Variants in TSPEAR observed in about 807,000 individuals in gnomAD.
TSPEAR encodes thrombospondin-type laminin G domain and EAR repeat-containing protein.
Under a neutral mutation model 71.6 loss-of-function variants are expected in TSPEAR, and 69 were observed. That is an observed-to-expected ratio of 0.96 (90% CI 0.79 to 1.18). The LOEUF (loss-of-function observed/expected upper bound fraction) is 1.18. TSPEAR is among the 50% of genes most tolerant of loss of function. The probability of loss-of-function intolerance (pLI) is 0.00; values close to 1 mark genes in which losing one functional copy is unlikely to be tolerated. For synonymous variants in TSPEAR, 402 were observed against 387.2 expected (o/e 1.04, Z -0.45); for missense variants, 971 against 894.9 (o/e 1.09, Z -1.09).
At chr21:44,655,937 A>G (rs4050979) in intron 1 of TSPEAR, among the ~76,000 whole-genome samples, 74,222 of 151,540 alleles carry the variant, frequency 0.49, 18,172 homozygotes, top group South Asian at 0.56. Context: ...CAGACACCAC[A>G]TTAATGAAAT....
In TSPEAR at chr21:44,533,828, A is replaced by G; in HGVS notation, c.399T>C (p.Leu133=). The G allele has an allele frequency of 1.2e-6, 2 of 1,612,482 alleles. No individual in the cohort carries two copies. The highest frequency in any genetic ancestry group is 1.6e-4 in the Middle Eastern group (1 of 6,062). The change falls in exon 3 of 12, where the codon CTT becomes CTC. Residue 133 remains leucine (L), a synonymous_variant. Transcript: ENST00000323084. ...GCCAGGCGCCGGCCGTGTCCTCGCGAAGGAACAGGAAGTGCAGCTGGGCAG... is the reference window on the plus strand; with the variant it reads ...GCCAGGCGCCGGCCGTGTCCTCGCGGAGGAACAGGAAGTGCAGCTGGGCAG... ...LSPAQLHFLF[L]REDTAGAWQT... is the part of the protein sequence containing the mutation.
At chr21:44,615,375 C>G (rs1982012684) in intron 1 of TSPEAR, among the ~76,000 whole-genome samples, 1 of 152,316 alleles carries the variant, frequency 6.6e-6, no homozygotes, top group Non-Finnish European at 1.5e-5. Flanking sequence ...GCAGCGCTCT[C>G]TGGCCTGGGG....
chr21:44,643,053 T>A (rs1019043405), intron 1 of TSPEAR, among the ~76,000 whole-genome samples: 1 of 152,086 alleles, frequency 6.6e-6, no homozygotes, highest in Admixed American at 6.5e-5. Flanking sequence ...ATGCGGTGCA[T>A]ATGCATGATG....
rs73381228 is a variant in TSPEAR at position 44,580,008 on chromosome 21, C to T, written c.83-12003G>A. On this transcript the variant is annotated intron_variant, in intron 1 of 11. Transcript: ENST00000323084. ...CATGAAGTGGAAGCCCCAGAGCAGA[C>T]GGGCACACAGCAGATGGGTTTGCAG... The T allele has an allele frequency of 7.7e-3, 12,277 of 1,593,516 alleles. 434 individuals carry two copies. In the African/African-American group the frequency reaches 0.11, roughly 14 times the overall value.
chr21:44,529,947 A>G lies in TSPEAR; in HGVS notation c.641T>C (p.Val214Ala), dbSNP rs1555915531. The G allele has an allele frequency of 1.9e-6, 3 of 1,598,672 alleles. No homozygotes were observed. Among genetic ancestry groups the G allele is most frequent in the Admixed American group, 1.7e-5 (1 of 59,216 alleles). Residue 214 changes from valine (V) to alanine (A), a missense_variant, in exon 5 of 12, where the codon GTG (valine) becomes GCG (alanine). By Grantham distance (64) the Val-to-Ala change is moderately conservative. Transcript: ENST00000323084. The stretch of plus-strand genomic sequence containing the variant: ...GCCCGGCAGCAGGACCAGTTGCCTC[A>G]CCAGTCCCTGCAGAGAGAGGGACAG... ...RRAKGLFMGL[V>A]RQLVLLPGSD...
chr21:44,550,706 T>G (rs142573095), intron 2 of TSPEAR: 1 of 1,613,066 alleles, frequency 6.2e-7, no homozygotes, highest in Non-Finnish European at 8.5e-7. Context: ...AGCTAGACTT[T>G]TGGCCTGAGG....
intron 1 of TSPEAR, chr21:44,626,993 A>G (rs1292455039): frequency 3.1e-6 from 3 of 980,556 alleles, no homozygotes; most frequent in African/African-American, 3.3e-5. Context: ...ATCCCTAATC[A>G]TGGCAGACGC....
intron 1 of TSPEAR, among the ~76,000 whole-genome samples, chr21:44,706,479 G>A (rs372788353): frequency 0.024 from 1,766 of 74,670 alleles, 37 homozygotes; most frequent in African/African-American, 0.085. Context: ...ACACCCACGC[G>A]TACACACCCA....
At chr21:44,622,798 T>C (rs1982527964) in intron 1 of TSPEAR, among the ~76,000 whole-genome samples, 2 of 152,186 alleles carry the variant, frequency 1.3e-5, no homozygotes. Flanking sequence ...CATGGTTTGG[T>C]TGTATGGCCC....
chr21:44,591,865 G>GAAGAATCCCCACAGCAGACGGACACAC, intron 1 of TSPEAR: 1 of 1,608,160 alleles, frequency 6.2e-7, no homozygotes, highest in African/African-American at 1.4e-5. Flanking sequence ...CTGGCAGCAT[G>GAAGAATCCCCACAGCAGACGGACACAC]AGGGTGTGCA....
At chr21:44,501,620 C>T (rs1176329833) in intron 11 of TSPEAR, among the ~76,000 whole-genome samples, 1 of 152,172 alleles carries the variant, frequency 6.6e-6, no homozygotes, top group East Asian at 1.9e-4. Flanking sequence ...TAAAATTAGC[C>T]AGGCATGGTT....
intron 1 of TSPEAR, among the ~76,000 whole-genome samples, chr21:44,674,875 TA>T (rs782121928): frequency 0.044 from 5,944 of 134,914 alleles, 133 homozygotes; most frequent in Middle Eastern, 0.091. Flanking sequence ...AAGATTGAAT[TA>T]AAAAAAAAAA....
In TSPEAR at chr21:44,623,724, A is replaced by G. The variant is rs1336261836; in HGVS notation, c.83-55719T>C. ...TGGTGCTTCTTTTCTTTCAGACAGTAAATATATCATTCCATCATCCTCTGG... is the reference window on the plus strand; with the variant it reads ...TGGTGCTTCTTTTCTTTCAGACAGTGAATATATCATTCCATCATCCTCTGG... On this transcript the variant is annotated intron_variant, in intron 1 of 11. Transcript: ENST00000323084. This position sits in a 1 kb window ranked among gnomAD's most constrained non-coding sequence, Gnocchi z 4.5. Among the ~76,000 whole-genome samples, 1 of 152,226 alleles carries G rather than the reference A, an allele frequency of 6.6e-6. No individual in the cohort carries two copies. The highest frequency in any genetic ancestry group is 1.5e-5 in the Non-Finnish European group (1 of 68,042).
Position 44,556,151 on chromosome 21 carries a change from G to T in TSPEAR, c.303+11634C>A, listed in dbSNP as rs976020170. 6.6e-5 allele frequency among the ~76,000 whole-genome samples: 10 copies of T among 152,280 alleles called. No homozygotes were observed. In the East Asian group the frequency reaches 1.5e-3, roughly 24 times the overall value. On this transcript the variant is annotated intron_variant, in intron 2 of 11. Coordinates refer to ENST00000323084, the MANE Select transcript of TSPEAR (RefSeq NM_144991.3). ...CCAGCGCTTTGGGAGGCCAAGGCAG[G>T]CAGATCGCGATGTCAGGAGTTCAAG...
chr21:44,575,983 G>A (rs587707233), intron 1 of TSPEAR, among the ~76,000 whole-genome samples: 189 of 152,260 alleles, frequency 1.2e-3, no homozygotes, highest in African/African-American at 3.5e-3. Context: ...CAGGGCCAGC[G>A]GACTGCCCAG....
intron 1 of TSPEAR, among the ~76,000 whole-genome samples, chr21:44,698,227 T>C (rs879968505): frequency 1.3e-5 from 2 of 152,156 alleles, no homozygotes; most frequent in South Asian, 4.1e-4. Context: ...CTCTGGCCAT[T>C]GTAGGACCAT....
intron 9 of TSPEAR, among the ~76,000 whole-genome samples, chr21:44,512,866 C>G (rs587599806): frequency 1.6e-4 from 24 of 152,226 alleles, no homozygotes; most frequent in African/African-American, 5.3e-4. Context: ...GGTGCTGCTA[C>G]GAAGCAGAGC....
intron 9 of TSPEAR, among the ~76,000 whole-genome samples, chr21:44,514,348 A>G (rs2052490799): frequency 6.6e-6 from 1 of 152,114 alleles, no homozygotes; most frequent in African/African-American, 2.4e-5. Flanking sequence ...TTGCCCTTCC[A>G]TGGCCATGGA....
chr21:44,580,690 T>A, intron 1 of TSPEAR: 1 of 1,129,752 alleles, frequency 8.9e-7, no homozygotes, highest in Non-Finnish European at 1.3e-6. Flanking sequence ...GTGGGGCTTT[T>A]AAATCCCTCC....
Sources: gnomAD v4.1 joint callset for allele counts (sites outside exome capture counted in the v4.1 genomes callset) on GRCh38, gnomAD v4.1.1 for gene constraint, Gnocchi (gnomAD v3.1) non-coding constraint, MANE v1.5 for transcripts, NCBI Gene and HGNC (gene_info 2026-07-23, HGNC 2026-07-21) for gene names.